Variants in MACROD2 observed in about 807,000 individuals in gnomAD.
MACROD2 encodes the protein ADP-ribose glycohydrolase MACROD2.
Under a neutral mutation model 70.4 loss-of-function variants are expected in MACROD2, and 36 were observed. That is an observed-to-expected ratio of 0.51 (90% CI 0.39 to 0.68). MACROD2 has a LOEUF of 0.68. Among genes scored for constraint, MACROD2 ranks in the 30% least tolerant of loss-of-function variants. MACROD2 has a pLI of 0.00. For synonymous variants in MACROD2, 172 were observed against 178.8 expected (o/e 0.96, Z 0.30); for missense variants, 496 against 538.4 (o/e 0.92, Z 0.78).
intron 3 of MACROD2, among the ~76,000 whole-genome samples, chr20:14,427,675 T>C (rs1009388487): frequency 6.6e-6 from 1 of 152,118 alleles, no homozygotes; most frequent in Non-Finnish European, 1.5e-5. Flanking sequence ...GAAAACTTGC[T>C]GTATAATGAA....
intron 9 of MACROD2, among the ~76,000 whole-genome samples, chr20:15,876,106 T>A (rs957418496): frequency 4.2e-4 from 30 of 70,846 alleles, no homozygotes; most frequent in African/African-American, 1.3e-3. Flanking sequence ...TATATATATA[T>A]ATATATGTGT....
chr20:14,938,359 T>C (rs1175828824), intron 5 of MACROD2, among the ~76,000 whole-genome samples: 1 of 152,176 alleles, frequency 6.6e-6, no homozygotes, highest in East Asian at 1.9e-4. Context: ...GCATCTATTA[T>C]CCTTGTCTTT....
At chr20:15,850,473 C>A (rs1373351293) in intron 8 of MACROD2, among the ~76,000 whole-genome samples, 1 of 152,240 alleles carries the variant, frequency 6.6e-6, no homozygotes, top group Non-Finnish European at 1.5e-5. Context: ...CCCACGGGAA[C>A]ATGAACAGGG....
At chr20:15,697,755 G>A (rs945930255) in intron 8 of MACROD2, among the ~76,000 whole-genome samples, 1 of 152,210 alleles carries the variant, frequency 6.6e-6, no homozygotes, top group South Asian at 2.1e-4. Flanking sequence ...GTGCATATAT[G>A]TTTAGGATAG....
At chr20:15,546,071 T>C (rs141033311) in intron 8 of MACROD2, among the ~76,000 whole-genome samples, 4,932 of 152,172 alleles carry the variant, frequency 0.032, 103 homozygotes, top group East Asian at 0.046. Flanking sequence ...ACCAACATGG[T>C]GAAACCCCGT....
At chr20:14,512,513 A>T (rs1218326453) in intron 4 of MACROD2, among the ~76,000 whole-genome samples, 4 of 152,126 alleles carry the variant, frequency 2.6e-5, no homozygotes, top group African/African-American at 9.7e-5. Context: ...TCAGTCAAGA[A>T]TTCTAATTGC....
intron 4 of MACROD2, among the ~76,000 whole-genome samples, chr20:14,666,825 C>T (rs2070741548): frequency 6.6e-6 from 1 of 151,932 alleles, no homozygotes; most frequent in East Asian, 1.9e-4. Context: ...CTTGTTTCAT[C>T]CTGACAGGAA....
chr20:14,359,209 CAAAA>C lies in MACROD2; in HGVS notation c.272-134267_272-134264del, dbSNP rs572077116. The stretch of plus-strand genomic sequence containing the variant: ...TCTCAAAAACAAACAAACAAACAAA[CAAAA>C]AACACCTAGATTGAGAGATCATGAA... On this transcript the variant is annotated intron_variant, in intron 3 of 17. Coordinates refer to ENST00000684519, the MANE Select transcript of MACROD2 (RefSeq NM_001351661.2). Among the ~76,000 whole-genome samples, 278 of 151,842 alleles carry C rather than the reference CAAAA, an allele frequency of 1.8e-3. 1 individual carries two copies. Among genetic ancestry groups the C allele is most frequent in the African/African-American group, 6.7e-3 (276 of 41,406 alleles).
intron 3 of MACROD2, among the ~76,000 whole-genome samples, chr20:14,256,445 T>C (rs576036302): frequency 1.3e-5 from 2 of 152,178 alleles, no homozygotes; most frequent in Non-Finnish European, 2.9e-5. Flanking sequence ...TATTGATTTA[T>C]ATTAGACATT....
rs753673265 is a variant in MACROD2, at chr20:14,720,536, C to CTTTTTTTTTTTTTTTTTTTTTTTTTTTTT, written c.418+35583_418+35611dup. Among the ~76,000 whole-genome samples, 4 of 35,946 alleles carry CTTTTTTTTTTTTTTTTTTTTTTTTTTTTT rather than the reference C, an allele frequency of 1.1e-4. 1 individual carries two copies. The highest frequency in any genetic ancestry group is 1.0e-3 in the Admixed American group (2 of 1,940). The allele number at this position is 35,946 out of a possible 152,430, so 23.6% of individuals were successfully genotyped here. On this transcript the variant is annotated intron_variant, in intron 5 of 17. Transcript: ENST00000684519. ...GTTTCATTTCCCAGCTGCCCCACAA[C>CTTTTTTTTTTTTTTTTTTTTTTTTTTTTT]TTTTTTTTTTTTTTTTTTTTTTTTT... is the stretch of plus-strand genomic sequence containing the variant.
intron 8 of MACROD2, among the ~76,000 whole-genome samples, chr20:15,835,187 T>A (rs1344216549): frequency 6.6e-6 from 1 of 152,234 alleles, no homozygotes; most frequent in East Asian, 1.9e-4. Context: ...GCCTCAATAT[T>A]TGACTAAAAC....
chr20:14,652,577 C>T (rs112573047), intron 4 of MACROD2, among the ~76,000 whole-genome samples: 2 of 152,138 alleles, frequency 1.3e-5, no homozygotes, highest in African/African-American at 2.4e-5. Context: ...AAACCTGACT[C>T]GAAAACCATT....
chr20:15,238,684 T>A (rs73612402), intron 6 of MACROD2, among the ~76,000 whole-genome samples: 25,250 of 152,166 alleles, frequency 0.17, 2,537 homozygotes, highest in Non-Finnish European at 0.24. Flanking sequence ...ATCTACAATT[T>A]GAAAGAATTA....
At chr20:15,361,713 G>T (rs1477560022) in intron 6 of MACROD2, among the ~76,000 whole-genome samples, 1 of 151,974 alleles carries the variant, frequency 6.6e-6, no homozygotes, top group East Asian at 1.9e-4. Context: ...TCTGTTTTTA[G>T]ATATTCTTTG....
chr20:15,722,143 A>G (rs1406540103), intron 8 of MACROD2, among the ~76,000 whole-genome samples: 2 of 152,100 alleles, frequency 1.3e-5, no homozygotes, highest in Non-Finnish European at 2.9e-5. Flanking sequence ...CTTTCTCTTA[A>G]TAGTCATTAA....
At chr20:15,253,399 A>G (rs781625829) in intron 6 of MACROD2, among the ~76,000 whole-genome samples, 2 of 152,226 alleles carry the variant, frequency 1.3e-5, no homozygotes, top group Non-Finnish European at 2.9e-5. Context: ...GATCTATAGT[A>G]AGAAACTCAG....
intron 2 of MACROD2, among the ~76,000 whole-genome samples, chr20:14,004,121 C>T (rs1478447631): frequency 2.0e-5 from 3 of 152,136 alleles, no homozygotes; most frequent in Non-Finnish European, 4.4e-5. Context: ...CAAAATGTTC[C>T]AGTGAGCATT....
At chr20:13,999,413 A>G (rs1202723368) in intron 1 of MACROD2, among the ~76,000 whole-genome samples, 2 of 152,234 alleles carry the variant, frequency 1.3e-5, no homozygotes, top group African/African-American at 4.8e-5. Flanking sequence ...GATAGTATTC[A>G]TGTAAGAATA....
intron 5 of MACROD2, among the ~76,000 whole-genome samples, chr20:14,701,360 T>C (rs6034012): frequency 0.017 from 2,561 of 152,274 alleles, 74 homozygotes; most frequent in African/African-American, 0.057. Flanking sequence ...TTGAAAGCCT[T>C]GCATGTTTTC....
Sources: allele counts gnomAD v4.1 joint callset (sites outside exome capture counted in the v4.1 genomes callset), GRCh38; gene constraint gnomAD v4.1.1; transcripts MANE v1.5; gene names NCBI Gene and HGNC (gene_info 2026-07-23, HGNC 2026-07-21).